Variants in POLR3B observed in about 807,000 individuals in gnomAD.
POLR3B encodes the protein RNA polymerase III subunit B.
Under a neutral mutation model 147.4 loss-of-function variants are expected in POLR3B, and 96 were observed. The ratio of observed to expected loss-of-function variants is 0.65; its 90% confidence interval spans 0.55 to 0.77. The LOEUF (loss-of-function observed/expected upper bound fraction) is 0.77. Among genes scored for constraint, POLR3B ranks in the 30% least tolerant of loss-of-function variants. The probability of loss-of-function intolerance (pLI) is 0.00; values close to 1 mark genes in which losing one functional copy is unlikely to be tolerated. For synonymous variants in POLR3B, 461 were observed against 485.9 expected, an observed-to-expected ratio of 0.95 and a Z score of 0.67; for missense variants, 1,036 against 1,413.5, an observed-to-expected ratio of 0.73 and a Z score of 4.28.
chr12:106,422,314 G>A (rs1459472959), intron 12 of POLR3B, among the ~76,000 whole-genome samples: 1 of 152,124 alleles, frequency 6.6e-6, no homozygotes, highest in East Asian at 1.9e-4. Context: ...TATAAGACAT[G>A]CTTGCTTCCC....
chr12:106,366,367 T>C (rs2036535934), intron 2 of POLR3B, 149 bp from the exon 3 acceptor site: 2 of 678,224 alleles, frequency 2.9e-6, no homozygotes, highest in Non-Finnish European at 5.3e-6. Flanking sequence ...TTAAATAAAA[T>C]TCATGGATTA....
chr12:106,450,907 T>G (rs922824838), intron 19 of POLR3B, among the ~76,000 whole-genome samples: 5 of 152,178 alleles, frequency 3.3e-5, no homozygotes, highest in African/African-American at 1.2e-4. Context: ...TTATAGCAGT[T>G]TTATTCACAG....
At chr12:106,469,050 C>G (rs1722078140) in intron 23 of POLR3B, among the ~76,000 whole-genome samples, 1 of 152,070 alleles carries the variant, frequency 6.6e-6, no homozygotes, top group South Asian at 2.1e-4. Context: ...GTGTTAAAGT[C>G]TCCCATTATT....
chr12:106,507,514 A>G (rs1249639779), intron 27 of POLR3B: 1 of 235,274 alleles, frequency 4.3e-6, no homozygotes, highest in African/African-American at 2.3e-5. Flanking sequence ...TAATGAAAGC[A>G]TGAACATGAT....
intron 23 of POLR3B, among the ~76,000 whole-genome samples, chr12:106,494,540 A>G (rs2038449120): frequency 6.6e-6 from 1 of 152,200 alleles, no homozygotes; most frequent in African/African-American, 2.4e-5. Context: ...TCACTGCTGA[A>G]CAATGTTGTT....
chr12:106,384,185 A>T (rs745763350), intron 9 of POLR3B, among the ~76,000 whole-genome samples: 2 of 152,202 alleles, frequency 1.3e-5, no homozygotes, highest in Non-Finnish European at 2.9e-5. Flanking sequence ...GAAAAAACAC[A>T]ATATCTACAA....
intron 14 of POLR3B, among the ~76,000 whole-genome samples, chr12:106,431,082 T>G (rs1395798164): frequency 6.6e-6 from 1 of 152,200 alleles, no homozygotes; most frequent in Non-Finnish European, 1.5e-5. Context: ...GGAAGGAAGG[T>G]TCACCATTGT....
intron 12 of POLR3B, among the ~76,000 whole-genome samples, chr12:106,424,766 T>C (rs1274414141): frequency 6.6e-6 from 1 of 152,142 alleles, no homozygotes; most frequent in Non-Finnish European, 1.5e-5. Flanking sequence ...GCTTCTCCAT[T>C]TTCACAAATA....
At chr12:106,440,071 G>C (rs2037629030) in intron 18 of POLR3B, among the ~76,000 whole-genome samples, 1 of 151,996 alleles carries the variant, frequency 6.6e-6, no homozygotes, top group Non-Finnish European at 1.5e-5. Context: ...AAAAAATATA[G>C]ATATAGATAT....
chr12:106,379,164 A>T (rs1351343608), intron 8 of POLR3B, among the ~76,000 whole-genome samples: 1 of 152,228 alleles, frequency 6.6e-6, no homozygotes, highest in Non-Finnish European at 1.5e-5. Flanking sequence ...TACTATTAAC[A>T]TCTCCATTTT....
At chr12:106,503,798 T>A in intron 26 of POLR3B, among the ~76,000 whole-genome samples, 1 of 152,396 alleles carries the variant, frequency 6.6e-6, no homozygotes, top group Non-Finnish European at 1.5e-5. Flanking sequence ...TGATTATATA[T>A]TAATATGTTA....
chr12:106,493,297 T>C (rs2038430338), intron 23 of POLR3B, among the ~76,000 whole-genome samples: 1 of 152,214 alleles, frequency 6.6e-6, no homozygotes, highest in Admixed American at 6.5e-5. Flanking sequence ...ACTTTATGCC[T>C]CTGTCCCTGG....
At chr12:106,436,924 C>T in intron 16 of POLR3B, 133 bp from the exon 17 acceptor site, 2 of 730,010 alleles carry the variant, frequency 2.7e-6, no homozygotes, top group Non-Finnish European at 4.9e-6. Flanking sequence ...CAAAAATTAC[C>T]TGGTGTCCTC....
Position 106,464,197 on chromosome 12 carries a change from C to G in POLR3B, c.2713+577C>G, listed in dbSNP as rs140812609. Among the ~76,000 whole-genome samples the G allele has an allele frequency of 4.2e-3, 645 of 152,294 alleles. 7 individuals are homozygous for G. The highest frequency in any genetic ancestry group is 0.015 in the African/African-American group (607 of 41,552). On this transcript the variant is annotated intron_variant, in intron 23 of 27. Coordinates refer to ENST00000228347, the MANE Select transcript of POLR3B (RefSeq NM_018082.6). ...TCTAATCCCATTGGCAAGCCTCACT[C>G]ATTCCTTTGATGGTTACTGCACAGT...
chr12:106,399,833 A>C (rs2037037102), intron 10 of POLR3B, among the ~76,000 whole-genome samples: 1 of 152,218 alleles, frequency 6.6e-6, no homozygotes, highest in African/African-American at 2.4e-5. Context: ...GGAAGCACTA[A>C]ACTTGGAAAG....
At chr12:106,442,075 C>T (rs61941917) in intron 18 of POLR3B, among the ~76,000 whole-genome samples, 48,188 of 146,822 alleles carry the variant, frequency 0.33, 10,643 homozygotes, top group African/African-American at 0.63. Context: ...AGCGAAAATC[C>T]GCCTCAAAAA....
At chr12:106,398,676 A>G (rs1473291408) in intron 10 of POLR3B, among the ~76,000 whole-genome samples, 1 of 152,242 alleles carries the variant, frequency 6.6e-6, no homozygotes, top group Non-Finnish European at 1.5e-5. Flanking sequence ...GCGGTTCACC[A>G]GTACCTGCTG....
intron 23 of POLR3B, among the ~76,000 whole-genome samples, chr12:106,477,583 C>G (rs2038192256): frequency 6.6e-6 from 1 of 151,986 alleles, no homozygotes; most frequent in African/African-American, 2.4e-5. Flanking sequence ...GTTTTTTAAG[C>G]CGGTCTGAAA....
chr12:106,483,590 A>G (rs539604504), intron 23 of POLR3B, among the ~76,000 whole-genome samples: 12 of 152,372 alleles, frequency 7.9e-5, no homozygotes, highest in Non-Finnish European at 1.5e-4. Flanking sequence ...AAGTCCTTTT[A>G]GAAGTCCAGT....
Sources: allele counts gnomAD v4.1 joint callset (sites outside exome capture counted in the v4.1 genomes callset), GRCh38; gene constraint gnomAD v4.1.1; transcripts MANE v1.5; gene names NCBI Gene and HGNC (gene_info 2026-07-23, HGNC 2026-07-21).